The following DIAPH3 variants were observed in gnomAD, a reference collection of about 807,000 sequenced individuals.
The protein encoded by DIAPH3 is protein diaphanous homolog 3.
DIAPH3 carries 117 observed loss-of-function variants against 144.3 expected under a neutral mutation model. The ratio of observed to expected loss-of-function variants is 0.81; its 90% confidence interval spans 0.70 to 0.95. The LOEUF is 0.95. Among genes scored for constraint, DIAPH3 ranks in the 40% least tolerant of loss-of-function variants. DIAPH3 has a pLI of 0.00. For synonymous variants in DIAPH3, 519 were observed against 488.9 expected (o/e 1.06, Z -0.81); for missense variants, 1,421 against 1,412.7 (o/e 1.01, Z -0.09).
chr13:59,909,909 C>G (rs927973663), intron 20 of DIAPH3, among the ~76,000 whole-genome samples: 6 of 152,150 alleles, frequency 3.9e-5, no homozygotes, highest in African/African-American at 1.4e-4. Context: ...AATCAAAGCT[C>G]TTTGATGTGA....
chr13:60,145,673 T>C (rs911426740), intron 1 of DIAPH3, among the ~76,000 whole-genome samples: 2 of 151,716 alleles, frequency 1.3e-5, no homozygotes, highest in African/African-American at 4.8e-5. Flanking sequence ...CAAAGATAAA[T>C]GGGCATGGAG....
chr13:59,691,904 A>G (rs2033543989), intron 27 of DIAPH3, among the ~76,000 whole-genome samples: 1 of 152,190 alleles, frequency 6.6e-6, no homozygotes. Context: ...AGTTAAAAAT[A>G]ATCCTGACTC....
At chr13:60,079,077 T>A (rs1242016747) in intron 4 of DIAPH3, among the ~76,000 whole-genome samples, 1 of 152,052 alleles carries the variant, frequency 6.6e-6, no homozygotes, top group Non-Finnish European at 1.5e-5. Flanking sequence ...TTGATTCAGT[T>A]TGAATTCAGT....
chr13:59,785,240 T>A (rs895548311), intron 25 of DIAPH3, among the ~76,000 whole-genome samples: 2 of 152,216 alleles, frequency 1.3e-5, no homozygotes, highest in Admixed American at 6.5e-5. Flanking sequence ...TAGGTTAATA[T>A]TTCTGTTTTT....
At chr13:60,016,292 C>T in intron 5 of DIAPH3, 147 bp from the exon 6 acceptor site, 3 of 806,140 alleles carry the variant, frequency 3.7e-6, no homozygotes, top group Non-Finnish European at 5.9e-6. Context: ...TTATTCATGA[C>T]TCATCTTAGT....
intron 22 of DIAPH3, among the ~76,000 whole-genome samples, chr13:59,852,163 C>G (rs983193834): frequency 2.0e-5 from 3 of 152,156 alleles, no homozygotes; most frequent in Non-Finnish European, 4.4e-5. Flanking sequence ...CAGTGGTAGA[C>G]ACTTATATGA....
chr13:60,152,505 T>TATAA (rs2138412986), intron 1 of DIAPH3, among the ~76,000 whole-genome samples: 1 of 149,088 alleles, frequency 6.7e-6, no homozygotes, highest in African/African-American at 2.5e-5. Flanking sequence ...TATATATATA[T>TATAA]AAATTGGAAC....
intron 27 of DIAPH3, among the ~76,000 whole-genome samples, chr13:59,732,262 ATTC>A (rs946962859): frequency 4.0e-5 from 6 of 148,178 alleles, no homozygotes; most frequent in African/African-American, 1.5e-4. Flanking sequence ...GTCTATCTAT[ATTC>A]TTCTCACTAG....
intron 2 of DIAPH3, among the ~76,000 whole-genome samples, chr13:60,125,987 T>C (rs1194345670): frequency 6.6e-6 from 1 of 152,192 alleles, no homozygotes; most frequent in Non-Finnish European, 1.5e-5. Flanking sequence ...AGGGTTTAAC[T>C]TAGAGCACAC....
intron 27 of DIAPH3, among the ~76,000 whole-genome samples, chr13:59,757,392 CTTTTTTTTTT>C (rs558678599): frequency 7.5e-5 from 7 of 93,046 alleles, no homozygotes; most frequent in African/African-American, 1.1e-4. Flanking sequence ...ATGGGTCATC[CTTTTTTTTTT>C]TTTTTTTTTT....
chr13:59,983,918 T>C (rs757290562), intron 12 of DIAPH3, 31 bp from the exon 13 acceptor site: 18 of 1,410,066 alleles, frequency 1.3e-5, no homozygotes, highest in Admixed American at 6.8e-5. Context: ...AAATGTACAA[T>C]TGATAATTAG....
chr13:59,955,785 G>T (rs1566569173), intron 17 of DIAPH3, among the ~76,000 whole-genome samples: 2 of 152,128 alleles, frequency 1.3e-5, no homozygotes, highest in Non-Finnish European at 2.9e-5. Context: ...CCAAAATGCT[G>T]ACAGTAATAT....
chr13:59,851,628 G>C (rs1593678081), intron 22 of DIAPH3, among the ~76,000 whole-genome samples: 2 of 144,738 alleles, frequency 1.4e-5, no homozygotes, highest in African/African-American at 5.0e-5. Context: ...ACAATGAATA[G>C]ATGAATCTTT....
At chr13:60,078,766 T>G (rs979473312) in intron 4 of DIAPH3, among the ~76,000 whole-genome samples, 7 of 151,882 alleles carry the variant, frequency 4.6e-5, no homozygotes, top group Non-Finnish European at 1.0e-4. Flanking sequence ...ATAACAAATA[T>G]GAGGTATAGA....
chr13:59,905,184 C>T (rs1201077638), intron 20 of DIAPH3, among the ~76,000 whole-genome samples: 2 of 150,866 alleles, frequency 1.3e-5, no homozygotes, highest in Non-Finnish European at 3.0e-5. Flanking sequence ...CTACTAAAAA[C>T]ACAAAAAAAT....
intron 4 of DIAPH3, among the ~76,000 whole-genome samples, chr13:60,083,987 T>C (rs2057658589): frequency 6.8e-6 from 1 of 146,506 alleles, no homozygotes; most frequent in Non-Finnish European, 1.5e-5. Context: ...GGATGCACTT[T>C]TGAGTGATAG....
intron 21 of DIAPH3, among the ~76,000 whole-genome samples, chr13:59,878,172 C>T (rs774903282): frequency 1.1e-4 from 16 of 152,100 alleles, no homozygotes; most frequent in Admixed American, 3.3e-4. Flanking sequence ...AGTAAGCCCA[C>T]GAGAGATGTG....
chr13:59,764,907 GC>G (rs1385428836), intron 27 of DIAPH3, among the ~76,000 whole-genome samples: 1 of 152,064 alleles, frequency 6.6e-6, no homozygotes, highest in African/African-American at 2.4e-5. Flanking sequence ...TGCTATGGTA[GC>G]CCTAGGAAAA....
chr13:60,031,732 CTTTTTTTT>C (rs1165739891), intron 5 of DIAPH3, among the ~76,000 whole-genome samples: 5 of 64,668 alleles, frequency 7.7e-5, no homozygotes, highest in Non-Finnish European at 1.1e-4. Context: ...GTCATTAAAT[CTTTTTTTT>C]TTTTTTTTTT....
Sources: allele counts gnomAD v4.1 joint callset (sites outside exome capture counted in the v4.1 genomes callset), GRCh38; gene constraint gnomAD v4.1.1; transcripts MANE v1.5; gene names NCBI Gene and HGNC (gene_info 2026-07-23, HGNC 2026-07-21).